ITGAM: variants seen among roughly 807,000 people sequenced by gnomAD.
The protein encoded by ITGAM is integrin alpha-M.
ITGAM carries 79 observed loss-of-function variants against 137.5 expected under a neutral mutation model. That is an observed-to-expected ratio of 0.57 (90% confidence interval 0.48 to 0.69). The LOEUF is 0.69. ITGAM is among the 30% of genes least tolerant of loss of function. ITGAM has a pLI of 0.00. For missense variants in ITGAM, 1,343 were observed against 1,483.5 expected (o/e 0.91, Z 1.56); for synonymous variants, 583 against 592.3 (o/e 0.98, Z 0.23).
rs2144305059 is a variant in ITGAM, at chr16:31,275,567, A to G, written c.877A>G (p.Ser293Gly). ...GTAACAGGTGGGAGATGCCTTCCGC[A>G]GTGAGAAATCCCGCCAAGAGCTTAA... ...YVIGVGDAFR[S>G]EKSRQELNTI... Residue 293 changes from serine (S) to glycine (G), a missense_variant, in exon 9 of 30, where the codon AGT (serine) becomes GGT (glycine). Transcript: ENST00000544665. The G allele has an allele frequency of 6.2e-7, 1 of 1,613,996 alleles. No homozygotes were observed. The highest frequency in any genetic ancestry group is 1.1e-5 in the South Asian group (1 of 91,082).
intron 5 of ITGAM, among the ~76,000 whole-genome samples, chr16:31,269,495 T>C (rs1362792641): frequency 3.9e-5 from 6 of 152,174 alleles, no homozygotes; most frequent in Admixed American, 3.3e-4. Flanking sequence ...CACCCAGGAA[T>C]GAACACGGAC....
At chr16:31,311,358 T>C (rs1165594448) in intron 14 of ITGAM, among the ~76,000 whole-genome samples, 2 of 152,100 alleles carry the variant, frequency 1.3e-5, no homozygotes, top group Non-Finnish European at 2.9e-5. Context: ...ACCTACTGAA[T>C]GGGAGAAAAT....
At chr16:31,285,188 A>G (rs2080015603) in intron 12 of ITGAM, among the ~76,000 whole-genome samples, 1 of 152,158 alleles carries the variant, frequency 6.6e-6, no homozygotes, top group Admixed American at 6.6e-5. Context: ...GATTTTCACA[A>G]TGCTTTTCCA....
intron 14 of ITGAM, among the ~76,000 whole-genome samples, chr16:31,318,317 C>T (rs192929165): frequency 1.3e-5 from 2 of 149,582 alleles, no homozygotes; most frequent in African/African-American, 4.9e-5. Flanking sequence ...TCCCTTTTTC[C>T]TTGGTCTACC....
At chr16:31,309,523 C>T (rs984368219) in intron 14 of ITGAM, among the ~76,000 whole-genome samples, 7 of 150,682 alleles carry the variant, frequency 4.6e-5, no homozygotes, top group African/African-American at 1.5e-4. Flanking sequence ...TCCTCCATCC[C>T]TTTATTTTGA....
chr16:31,301,348 A>C (rs1296146156), intron 14 of ITGAM, among the ~76,000 whole-genome samples: 2 of 152,078 alleles, frequency 1.3e-5, no homozygotes, highest in East Asian at 3.8e-4. Flanking sequence ...TATTCTTGGC[A>C]TTATTTAGGA....
At chr16:31,326,828 T>C (rs2080512787) in intron 21 of ITGAM, 28 bp from the exon 22 acceptor site, 1 of 1,494,704 alleles carries the variant, frequency 6.7e-7, no homozygotes, top group Non-Finnish European at 9.3e-7. Context: ...CATATTTCTG[T>C]CATTGTCTCT....
At chr16:31,300,028 T>C (rs2080182174) in intron 14 of ITGAM, among the ~76,000 whole-genome samples, 1 of 152,218 alleles carries the variant, frequency 6.6e-6, no homozygotes, top group Non-Finnish European at 1.5e-5. Flanking sequence ...CTGTCTAATT[T>C]ATTTTTATTT....
rs936003637 is a variant in ITGAM, at chr16:31,330,292, C to G, written c.3061-16C>G. ...TCGGCTTCCTTACCCGTCCCCTCCC[C>G]TCCTGCGTTCCCCAGAACTGCTCCA... On this transcript the variant is annotated splice_polypyrimidine_tract_variant and intron_variant, in intron 26 of 29. Coordinates refer to ENST00000544665, the MANE Select transcript of ITGAM (RefSeq NM_000632.4). 1.2e-6 allele frequency: 2 copies of G among 1,607,548 alleles called. No individual in the cohort carries two copies. The highest frequency in any genetic ancestry group is 1.3e-5 in the African/African-American group (1 of 74,882).
At chr16:31,319,300 A>G (rs889562373) in intron 14 of ITGAM, among the ~76,000 whole-genome samples, 18 of 151,364 alleles carry the variant, frequency 1.2e-4, no homozygotes, top group Admixed American at 3.3e-4. Flanking sequence ...GTTTCTTACT[A>G]TTGAATTGCT....
At chr16:31,294,342 C>T (rs2080113001) in intron 12 of ITGAM, among the ~76,000 whole-genome samples, 1 of 151,920 alleles carries the variant, frequency 6.6e-6, no homozygotes, top group African/African-American at 2.4e-5. Flanking sequence ...ATGCTTTTGC[C>T]CATCAAGTAT....
At chr16:31,282,734 G>T (rs544443843) in intron 12 of ITGAM, among the ~76,000 whole-genome samples, 5 of 152,256 alleles carry the variant, frequency 3.3e-5, no homozygotes, top group Non-Finnish European at 5.9e-5. Context: ...GGTTAGTATT[G>T]TTATGTGTGA....
At position 31,325,380 on chromosome 16, in the gene ITGAM, C is replaced by A. The variant is rs3087445; in HGVS notation, c.2481C>A (p.Ser827=). The change falls in exon 20 of 30, where the codon TCC becomes TCA. Residue 827 remains serine, a synonymous_variant. Transcript: ENST00000544665. ...QVTFFFPLDL[S]YRKVSTLQNQ... is the part of the protein sequence containing the mutation. ...CCTTCTTCTTCCCGCTTGACCTGTC[C>A]TACCGGAAGGTGTCCACGCTCCAGG... 1.1e-3 allele frequency: 1,729 copies of A among 1,613,582 alleles called. 2 individuals carry two copies. Among genetic ancestry groups the A allele is most frequent in the Non-Finnish European group, 1.4e-3 (1,628 of 1,179,610 alleles).
chr16:31,276,525 T>TTTCACCATG, intron 9 of ITGAM, 146 bp from the exon 10 acceptor site: 1 of 604,494 alleles, frequency 1.7e-6, no homozygotes, highest in Non-Finnish European at 3.0e-6. Flanking sequence ...AGAGACGGGG[T>TTTCACCATG]TTCACCATGT....
intron 2 of ITGAM, among the ~76,000 whole-genome samples, chr16:31,263,855 A>G: frequency 6.8e-6 from 1 of 146,694 alleles, no homozygotes; most frequent in Non-Finnish European, 1.5e-5. Flanking sequence ...TTATTTATTG[A>G]GATGGAGTCT....
rs370410024 is a variant in ITGAM, at chr16:31,324,056, G to T, written c.2003-343G>T. Among the ~76,000 whole-genome samples the T allele has an allele frequency of 3.8e-5, 5 of 130,624 alleles. No individual in the cohort carries two copies. Among genetic ancestry groups the T allele is most frequent in the East Asian group, 4.4e-4 (2 of 4,532 alleles). 85.7% of individuals were successfully genotyped at this position (130,624 alleles called of 152,430 possible). On this transcript the variant is annotated intron_variant, in intron 16 of 29. Coordinates refer to ENST00000544665, the MANE Select transcript of ITGAM (RefSeq NM_000632.4). The surrounding 1 kb of genome is among the most constrained non-coding windows in gnomAD (Gnocchi z 4.5). ...TAAAAAGAAAGGAAGGAAGGAAGAA[G>T]GGAAGGAAGGAAAGGAAGGAAAGTA...
At chr16:31,281,370 G>A (rs750696649) in intron 12 of ITGAM, among the ~76,000 whole-genome samples, 45 of 152,220 alleles carry the variant, frequency 3.0e-4, no homozygotes, top group Non-Finnish European at 4.9e-4. Context: ...TGGTTGGTAG[G>A]CTATTAATTA....
chr16:31,281,435 G>A (rs1330936962), intron 12 of ITGAM, among the ~76,000 whole-genome samples: 6 of 152,182 alleles, frequency 3.9e-5, no homozygotes, highest in African/African-American at 1.4e-4. Context: ...ACTTCTTCCT[G>A]GTTTAGTCTT....
At chr16:31,281,552 G>C (rs2079969469) in intron 12 of ITGAM, among the ~76,000 whole-genome samples, 1 of 152,150 alleles carries the variant, frequency 6.6e-6, no homozygotes. Flanking sequence ...ATTTCTGTGG[G>C]ATTGGTGGTG....
Sources: allele counts gnomAD v4.1 joint callset (sites outside exome capture counted in the v4.1 genomes callset), GRCh38; gene constraint gnomAD v4.1.1; non-coding constraint Gnocchi (gnomAD v3.1); transcripts MANE v1.5; gene names NCBI Gene and HGNC (gene_info 2026-07-23, HGNC 2026-07-21).